The following SEMA3D variants were observed in gnomAD, a reference collection of about 807,000 sequenced individuals.
SEMA3D encodes semaphorin-3D.
A neutral mutation model predicts 100.1 loss-of-function variants in SEMA3D; 84 were observed. The observed-to-expected ratio is 0.84, with a 90% CI of 0.70 to 1.01. The LOEUF (loss-of-function observed/expected upper bound fraction) is 1.01, where lower values mean the gene tolerates loss of function less well. Among genes scored for constraint, SEMA3D ranks in the 50% least tolerant of loss-of-function variants. SEMA3D has a pLI of 0.00. For missense variants in SEMA3D, 875 were observed against 934.1 expected (o/e 0.94, Z 0.82); for synonymous variants, 312 against 320.7 (o/e 0.97, Z 0.29).
intron 11 of SEMA3D, among the ~76,000 whole-genome samples, chr7:85,039,656 T>A (rs1295681075): frequency 6.6e-6 from 1 of 152,190 alleles, no homozygotes; most frequent in Non-Finnish European, 1.5e-5. Context: ...GTAGAAAACA[T>A]GAAATTGTCT....
chr7:85,117,895 A>G (rs1789292107), intron 3 of SEMA3D, among the ~76,000 whole-genome samples: 1 of 151,076 alleles, frequency 6.6e-6, no homozygotes, highest in Admixed American at 6.6e-5. Flanking sequence ...TTGTAGATAT[A>G]TATAGATATA....
At chr7:85,126,410 T>TC (rs371117304) in intron 2 of SEMA3D, among the ~76,000 whole-genome samples, 49,871 of 128,734 alleles carry the variant, frequency 0.39, 8,962 homozygotes, top group East Asian at 0.52. Flanking sequence ...GTGTCGTGTG[T>TC]GTGTGTGTGT....
chr7:85,067,300 TA>T (rs1295113480), intron 7 of SEMA3D, among the ~76,000 whole-genome samples: 2 of 152,158 alleles, frequency 1.3e-5, no homozygotes, highest in African/African-American at 2.4e-5. Flanking sequence ...TTTGTTTTTT[TA>T]TTAAGGGTAT....
At chr7:85,048,625 C>A (rs1203054069) in intron 9 of SEMA3D, among the ~76,000 whole-genome samples, 1 of 151,806 alleles carries the variant, frequency 6.6e-6, no homozygotes, top group Non-Finnish European at 1.5e-5. Flanking sequence ...GTTGAACTAC[C>A]CTTTTTAGCC....
At chr7:85,023,309 A>G (rs1046449286) in intron 12 of SEMA3D, among the ~76,000 whole-genome samples, 81 of 152,034 alleles carry the variant, frequency 5.3e-4, no homozygotes, top group African/African-American at 1.9e-3. Flanking sequence ...GGTTCAAATC[A>G]AATGAATTTT....
At chr7:85,190,093 A>G (rs1161554096), upstream of SEMA3D, among the ~76,000 whole-genome samples, 1 of 152,110 alleles carries the variant, frequency 6.6e-6, no homozygotes, top group Admixed American at 6.6e-5. Context: ...ATCTAGCAGA[A>G]GATTTGGCTG....
the SEMA3D span, among the ~76,000 whole-genome samples, chr7:85,208,805 ATGTT>A: frequency 3.3e-5 from 5 of 151,822 alleles, no homozygotes; most frequent in Admixed American, 2.0e-4. Context: ...ACACACATTT[ATGTT>A]TGTTTATTTA....
chr7:85,026,144 G>A (rs2115876257), intron 12 of SEMA3D, among the ~76,000 whole-genome samples: 1 of 152,088 alleles, frequency 6.6e-6, no homozygotes, highest in South Asian at 2.1e-4. Flanking sequence ...GTGTCCTTTA[G>A]TGTAATCTGT....
chr7:85,153,016 G>A (rs1790472816), intron 2 of SEMA3D, among the ~76,000 whole-genome samples: 1 of 152,056 alleles, frequency 6.6e-6, no homozygotes, highest in African/African-American at 2.4e-5. Flanking sequence ...TAATGGCAAT[G>A]TTATAATGTA....
At chr7:85,052,192 A>G (rs1188219991) in intron 9 of SEMA3D, among the ~76,000 whole-genome samples, 1 of 151,972 alleles carries the variant, frequency 6.6e-6, no homozygotes, top group Non-Finnish European at 1.5e-5. Context: ...GGAACAACCT[A>G]ACAGGTCTCC....
chr7:85,122,875 A>G (rs1789466789), intron 2 of SEMA3D, among the ~76,000 whole-genome samples: 1 of 152,188 alleles, frequency 6.6e-6, no homozygotes, highest in Non-Finnish European at 1.5e-5. Context: ...AAAATAGGCT[A>G]ACTTGGTTGT....
At chr7:85,200,617 T>C in the SEMA3D span, among the ~76,000 whole-genome samples, 137 of 152,262 alleles carry the variant, frequency 9.0e-4, no homozygotes, top group African/African-American at 3.1e-3. Context: ...ATCCTGACAA[T>C]GCAATAGAAA....
chr7:85,240,507 A>C, the SEMA3D span, among the ~76,000 whole-genome samples: 1 of 152,116 alleles, frequency 6.6e-6, no homozygotes, highest in Non-Finnish European at 1.5e-5. Context: ...TACCTCATAC[A>C]ATGAGTTTGG....
chr7:85,136,969 T>C (rs947156487), intron 2 of SEMA3D, among the ~76,000 whole-genome samples: 11 of 152,102 alleles, frequency 7.2e-5, no homozygotes, highest in African/African-American at 2.4e-4. Flanking sequence ...ATTTAGTATG[T>C]TGATATGTCA....
At chr7:85,097,029 A>C (rs1033605833) in intron 4 of SEMA3D, among the ~76,000 whole-genome samples, 13 of 151,792 alleles carry the variant, frequency 8.6e-5, no homozygotes, top group African/African-American at 2.4e-4. Flanking sequence ...AAGAGATCTG[A>C]TATTATGTAA....
upstream of SEMA3D, among the ~76,000 whole-genome samples, chr7:85,188,314 TAACCTTGGTTTGGACTCACAACCAATC>T (rs1324124002): frequency 5.3e-5 from 8 of 152,206 alleles, no homozygotes; most frequent in Admixed American, 3.3e-4. Context: ...CCCATCTCTA[TAACCTTGGTTTGGACTCACAACCAATC>T]AACCCCATAA....
chr7:85,178,357 G>A (rs1791298803), intron 1 of SEMA3D, among the ~76,000 whole-genome samples: 1 of 152,194 alleles, frequency 6.6e-6, no homozygotes, highest in African/African-American at 2.4e-5. Flanking sequence ...ATGTGAGAAA[G>A]TCTGAAACTT....
intron 2 of SEMA3D, among the ~76,000 whole-genome samples, chr7:85,132,782 A>G (rs2116438782): frequency 6.6e-6 from 1 of 151,974 alleles, no homozygotes; most frequent in East Asian, 1.9e-4. Flanking sequence ...ATTATATTTT[A>G]AAGTATGACC....
At chr7:85,037,070 G>A (rs755979818) in intron 11 of SEMA3D, 37 bp from the exon 12 acceptor site, 1 of 1,595,320 alleles carries the variant, frequency 6.3e-7, no homozygotes, top group Non-Finnish European at 8.5e-7. Flanking sequence ...ATCATTCACT[G>A]ATGAATTCAA....
Sources: allele counts gnomAD v4.1 joint callset (sites outside exome capture counted in the v4.1 genomes callset), GRCh38; gene constraint gnomAD v4.1.1; transcripts MANE v1.5; gene names NCBI Gene and HGNC (gene_info 2026-07-23, HGNC 2026-07-21).